The following VDAC1 variants were observed in gnomAD, a reference collection of about 807,000 sequenced individuals.
The protein encoded by VDAC1 is voltage dependent anion channel 1, also known as non-selective voltage-gated ion channel VDAC1.
A neutral mutation model predicts 34.7 loss-of-function variants in VDAC1; 10 were observed. The ratio of observed to expected loss-of-function variants is 0.29; its 90% CI spans 0.18 to 0.49. The LOEUF (loss-of-function observed/expected upper bound fraction) is 0.49. Among genes scored for constraint, VDAC1 ranks in the 20% least tolerant of loss-of-function variants. The pLI is 0.99. For missense variants in VDAC1, 230 were observed against 347.9 expected (o/e 0.66, Z 2.69); for synonymous variants, 130 against 136.0 (o/e 0.96, Z 0.30).
the VDAC1 span, among the ~76,000 whole-genome samples, chr5:134,089,470 AT>A: frequency 6.6e-6 from 1 of 152,192 alleles, no homozygotes; most frequent in Non-Finnish European, 1.5e-5. Flanking sequence ...AATGATAGAA[AT>A]TACAGCTCGC....
intron 3 of VDAC1, among the ~76,000 whole-genome samples, chr5:133,991,365 A>G: frequency 6.6e-6 from 1 of 152,246 alleles, no homozygotes; most frequent in African/African-American, 2.4e-5. Flanking sequence ...ATTTGTTGTC[A>G]GCAGACAGCT....
At chr5:134,007,984 G>C (rs1401438418), upstream of VDAC1, among the ~76,000 whole-genome samples, 1 of 152,112 alleles carries the variant, frequency 6.6e-6, no homozygotes. Flanking sequence ...TTCTCTGGGC[G>C]AATGACCCTG....
chr5:133,999,597 G>A (rs778255609), intron 1 of VDAC1, among the ~76,000 whole-genome samples: 141 of 152,164 alleles, frequency 9.3e-4, no homozygotes, highest in Non-Finnish European at 1.8e-3. Context: ...TACTCACCCC[G>A]AGTCTCCCTC....
the VDAC1 span, chr5:134,081,875 T>A: frequency 6.5e-6 from 1 of 154,344 alleles, no homozygotes. Flanking sequence ...AGTGGTGGAA[T>A]CAGTGTATCC....
chr5:133,977,194 G>C (rs1046245012), intron 6 of VDAC1, among the ~76,000 whole-genome samples: 5 of 152,240 alleles, frequency 3.3e-5, no homozygotes, highest in African/African-American at 1.2e-4. Flanking sequence ...CACTGCTGGG[G>C]AGATACAGTT....
At chr5:134,010,367 G>A in the VDAC1 span, among the ~76,000 whole-genome samples, 3 of 152,124 alleles carry the variant, frequency 2.0e-5, no homozygotes, top group African/African-American at 7.2e-5. Context: ...GGAGGCTGAG[G>A]CGGGCAGATC....
At chr5:133,991,476 C>T (rs946860911) in intron 3 of VDAC1, among the ~76,000 whole-genome samples, 1 of 152,228 alleles carries the variant, frequency 6.6e-6, no homozygotes, top group African/African-American at 2.4e-5. Flanking sequence ...AAAGCTGACA[C>T]AGCGGTAATT....
chr5:134,031,905 T>A, the VDAC1 span, among the ~76,000 whole-genome samples: 23 of 142,928 alleles, frequency 1.6e-4, no homozygotes, highest in African/African-American at 3.9e-4. Flanking sequence ...GAGCCGAGAT[T>A]ACACCACTGC....
rs74762551 is a variant in VDAC1 at position 133,983,468 on chromosome 5, A to G, written c.324-2512T>C. On this transcript the variant is annotated intron_variant, in intron 5 of 8. Coordinates refer to ENST00000265333, the MANE Select transcript of VDAC1 (RefSeq NM_003374.3). ...AAACATGATTGGCCACAGGTTGGTAACTATCAAAGCTGTGTGATAGGAATA... is the reference window on the plus strand; with the variant it reads ...AAACATGATTGGCCACAGGTTGGTAGCTATCAAAGCTGTGTGATAGGAATA... 4.1e-3 allele frequency among the ~76,000 whole-genome samples: 631 copies of G among 152,244 alleles called. 3 individuals are homozygous for G. Among genetic ancestry groups the G allele is most frequent in the Non-Finnish European group, 7.2e-3 (493 of 68,016 alleles).
At chr5:134,088,337 C>T in the VDAC1 span, among the ~76,000 whole-genome samples, 1 of 152,160 alleles carries the variant, frequency 6.6e-6, no homozygotes, top group African/African-American at 2.4e-5. Flanking sequence ...GAAAAGGGGG[C>T]CCCCAAGGCC....
At chr5:134,078,226 G>A in the VDAC1 span, among the ~76,000 whole-genome samples, 62 of 152,318 alleles carry the variant, frequency 4.1e-4, no homozygotes, top group Middle Eastern at 3.4e-3. Flanking sequence ...AGAGATGCCC[G>A]TGGGAGGTGC....
chr5:134,045,841 C>T, the VDAC1 span, among the ~76,000 whole-genome samples: 2 of 151,800 alleles, frequency 1.3e-5, no homozygotes, highest in Non-Finnish European at 2.9e-5. Flanking sequence ...CACACCACCA[C>T]GCCTGGCTAA....
chr5:134,068,200 ATTTT>A, the VDAC1 span, among the ~76,000 whole-genome samples: 1 of 151,166 alleles, frequency 6.6e-6, no homozygotes, highest in Non-Finnish European at 1.5e-5. Context: ...CTATCAGTTT[ATTTT>A]TTTTTCTCAT....
At chr5:134,065,469 T>C in the VDAC1 span, among the ~76,000 whole-genome samples, 1 of 150,840 alleles carries the variant, frequency 6.6e-6, no homozygotes, top group African/African-American at 2.4e-5. Flanking sequence ...GCCTCCCGAG[T>C]AGCTGGGACT....
chr5:133,992,472 G>C (rs1275164332), intron 2 of VDAC1, 117 bp from the exon 3 acceptor site: 1 of 659,554 alleles, frequency 1.5e-6, no homozygotes, highest in Non-Finnish European at 2.3e-6. Context: ...CTGCCACAGG[G>C]GCTGAGGGCA....
chr5:133,982,317 G>T (rs1440221909), intron 5 of VDAC1, among the ~76,000 whole-genome samples: 3 of 152,064 alleles, frequency 2.0e-5, no homozygotes, highest in Admixed American at 6.5e-5. Flanking sequence ...TTCGAGACCA[G>T]CCTGGCCAAC....
At chr5:134,037,751 G>C in the VDAC1 span, among the ~76,000 whole-genome samples, 1 of 152,146 alleles carries the variant, frequency 6.6e-6, no homozygotes, top group African/African-American at 2.4e-5. Context: ...GGTCTTAAGC[G>C]TGAGCTCCCC....
the VDAC1 span, among the ~76,000 whole-genome samples, chr5:134,057,474 C>T: frequency 2.4e-5 from 3 of 126,884 alleles, no homozygotes; most frequent in Non-Finnish European, 5.1e-5. Context: ...AGTGAGGCTC[C>T]GTCTCAAAAA....
chr5:134,084,634 T>G, the VDAC1 span, among the ~76,000 whole-genome samples: 1 of 152,222 alleles, frequency 6.6e-6, no homozygotes, highest in Non-Finnish European at 1.5e-5. Context: ...CAACTCTCTG[T>G]GCCTCAGTTT....
Sources: allele counts gnomAD v4.1 joint callset (sites outside exome capture counted in the v4.1 genomes callset), GRCh38; gene constraint gnomAD v4.1.1; transcripts MANE v1.5; gene names NCBI Gene and HGNC (gene_info 2026-07-23, HGNC 2026-07-21).